SOST: variants seen among roughly 807,000 people sequenced by gnomAD.
SOST encodes sclerosteosis.
A neutral mutation model predicts 16.7 loss-of-function variants in SOST; 14 were observed. That is an observed-to-expected ratio of 0.84 (90% confidence interval 0.55 to 1.31). SOST has a LOEUF of 1.31. Among genes scored for constraint, SOST ranks in the 50% most tolerant of loss-of-function variants. SOST has a pLI of 0.00. For synonymous variants in SOST, 150 were observed against 140.9 expected (o/e 1.06, Z -0.46); for missense variants, 291 against 310.7 (o/e 0.94, Z 0.48).
Position 43,758,614 on chromosome 17 carries a change from T to TACTCTCCGAGCTCGGGGA in SOST, c.110_127dup (p.Glu42_Tyr43insPheProGluLeuGlyGlu), listed in dbSNP as rs779946635. 6.2e-7 allele frequency: 1 copy of TACTCTCCGAGCTCGGGGA among 1,613,908 alleles called. No homozygotes were observed. The highest frequency in any genetic ancestry group is 1.7e-5 in the Admixed American group (1 of 60,014). ...CTCCAGCTCCGGTGGAGGCTCGGGG[T>TACTCTCCGAGCTCGGGGA]ACTCTCCGAGCTCGGGGATGATTTC... On this transcript the variant is annotated inframe_insertion, in exon 1 of 2. Transcript: ENST00000301691.
rs753223257 is a variant in SOST, at chr17:43,754,032, G to C, written c.*1310C>G. ...CAATTAAAAACTACACAGAAAGTAA[G>C]AGGTTGTCTGGAAATGATTTTCAAA... On this transcript the variant is annotated 3_prime_UTR_variant, in exon 2 of 2. Coordinates refer to ENST00000301691, the MANE Select transcript of SOST (RefSeq NM_025237.3). The C allele has an allele frequency of 6.7e-6, 1 of 149,348 alleles. No individual in the cohort carries two copies. The highest frequency in any genetic ancestry group is 1.5e-5 in the Non-Finnish European group (1 of 67,632). The allele number at this position is 149,348 out of a possible 1,614,324, so 9.3% of individuals were successfully genotyped here.
rs201706408 is a variant in SOST, at chr17:43,758,565, C to T, written c.177G>A (p.Ala59=). The change falls in exon 1 of 2, where the codon GCG becomes GCA. Residue 59 remains alanine, a synonymous_variant. Coordinates refer to ENST00000301691, the MANE Select transcript of SOST (RefSeq NM_025237.3). ...GGTGGGGAGGCCGCCCTCCGTTCTCCGCCCGGTTCATGGTCTTGTTGTTCT... is the reference window on the plus strand; with the variant it reads ...GGTGGGGAGGCCGCCCTCCGTTCTCTGCCCGGTTCATGGTCTTGTTGTTCT... The part of the protein sequence containing the change: ...ELENNKTMNR[A]ENGGRPPHHP... 135 of 1,614,170 alleles carry T rather than the reference C, an allele frequency of 8.4e-5. No individual in the cohort carries two copies. The highest frequency in any genetic ancestry group is 8.2e-4 in the Middle Eastern group (5 of 6,062).
intron 1 of SOST, among the ~76,000 whole-genome samples, chr17:43,756,821 G>GGT: frequency 6.6e-6 from 1 of 152,170 alleles, no homozygotes. Context: ...CTGATCCCCT[G>GGT]CACACACCTT....
chr17:43,755,366 CT>C lies in SOST; in HGVS notation c.617del (p.Gln206ArgfsTer43). On this transcript the variant is annotated frameshift_variant, in exon 2 of 2. Coordinates refer to ENST00000301691, the MANE Select transcript of SOST (RefSeq NM_025237.3). LOFTEE classifies it high-confidence loss of function. This position sits in a 1 kb window ranked among gnomAD's most constrained non-coding sequence, Gnocchi z 4.3. Reference sequence around the variant, plus strand: ...TCTAGTAGGCGTTCTCCAGCTCGGCCTGGTTGGCTTTGGCGCTCCGGGCGCG... The same window carrying C: ...TCTAGTAGGCGTTCTCCAGCTCGGCCGGTTGGCTTTGGCGCTCCGGGCGCG... ...RPRARSAKAN[Q>X]AELENAY The C allele has an allele frequency of 6.3e-7, 1 of 1,587,646 alleles. No homozygotes were observed. Among genetic ancestry groups the C allele is most frequent in the Non-Finnish European group, 8.5e-7 (1 of 1,175,642 alleles).
Position 43,755,274 on chromosome 17 carries a change from A to T in SOST, c.*68T>A. On this transcript the variant is annotated 3_prime_UTR_variant, in exon 2 of 2. Coordinates refer to ENST00000301691, the MANE Select transcript of SOST (RefSeq NM_025237.3). This position sits in a 1 kb window ranked among gnomAD's most constrained non-coding sequence, Gnocchi z 4.3. ...ATATAAACAATCAAACCACGCGCAG[A>T]GGACAGAAATGTGGGGCGCGGGTTC... The T allele has an allele frequency of 7.3e-7, 1 of 1,370,770 alleles. No individual in the cohort carries two copies. The highest frequency in any genetic ancestry group is 9.6e-7 in the Non-Finnish European group (1 of 1,038,660). 84.9% of individuals were successfully genotyped at this position (1,370,770 alleles called of 1,614,324 possible).
At chr17:43,757,010 C>G (rs1974137562) in intron 1 of SOST, among the ~76,000 whole-genome samples, 1 of 152,334 alleles carries the variant, frequency 6.6e-6, no homozygotes, top group Middle Eastern at 3.4e-3. Flanking sequence ...CCCCCACCCC[C>G]ACTCTGAAGA....
Position 43,755,062 on chromosome 17 carries a change from G to A in SOST, c.*280C>T, listed in dbSNP as rs945143329. 2.3e-6 allele frequency: 1 copy of A among 442,708 alleles called. No individual in the cohort carries two copies. Among genetic ancestry groups the A allele is most frequent in the Admixed American group, 4.3e-5 (1 of 23,232 alleles). 27.4% of individuals were successfully genotyped at this position (442,708 alleles called of 1,614,324 possible). ...TCCATTTCTGCCTCCTCTGAAGTGG[G>A]ACCAGCAAAGGTAGGCGGCCCCAGA... On this transcript the variant is annotated 3_prime_UTR_variant, in exon 2 of 2. Transcript: ENST00000301691. This position sits in a 1 kb window ranked among gnomAD's most constrained non-coding sequence, Gnocchi z 4.3.
In SOST at chr17:43,755,257, A is replaced by C. The variant is rs1289724432; in HGVS notation, c.*85T>G. 4 of 1,291,590 alleles carry C rather than the reference A, an allele frequency of 3.1e-6. No individual in the cohort carries two copies. Among genetic ancestry groups the C allele is most frequent in the Non-Finnish European group, 4.1e-6 (4 of 973,784 alleles). 80.0% of individuals were successfully genotyped at this position (1,291,590 alleles called of 1,614,324 possible). On this transcript the variant is annotated 3_prime_UTR_variant, in exon 2 of 2. Transcript: ENST00000301691. The surrounding 1 kb of genome is among the most constrained non-coding windows in gnomAD (Gnocchi z 4.3). ...CAGGCATTTACAATGAAATATAAACAATCAAACCACGCGCAGAGGACAGAA... is the reference window on the plus strand; with the variant it reads ...CAGGCATTTACAATGAAATATAAACCATCAAACCACGCGCAGAGGACAGAA...
rs745984085 is a variant in SOST, at chr17:43,755,705, C to T, written c.279G>A (p.Pro93=). The change falls in exon 2 of 2, where the codon CCG becomes CCA. Residue 93 remains proline (P), a synonymous_variant. Coordinates refer to ENST00000301691, the MANE Select transcript of SOST (RefSeq NM_025237.3). The surrounding 1 kb of genome is among the most constrained non-coding windows in gnomAD (Gnocchi z 4.3). ...CGGTGACCGGCTTGGCGCTGCGGCA[C>T]GGCCCATCGGTCACGTAGCGGGTGA... The part of the protein sequence containing the change: ...LHFTRYVTDG[P]CRSAKPVTEL... 5.1e-6 allele frequency: 8 copies of T among 1,567,136 alleles called. No individual in the cohort carries two copies. The highest frequency in any genetic ancestry group is 4.7e-5 in the East Asian group (2 of 42,654).
rs1974125634 is a variant in SOST, at chr17:43,755,867, C to G, written c.221-104G>C. 2 of 1,346,040 alleles carry G rather than the reference C, an allele frequency of 1.5e-6. No individual in the cohort carries two copies. The highest frequency in any genetic ancestry group is 2.0e-6 in the Non-Finnish European group (2 of 994,036). The allele number at this position is 1,346,040 out of a possible 1,614,324, so 83.4% of individuals were successfully genotyped here. On this transcript the variant is annotated intron_variant, in intron 1 of 1. Transcript: ENST00000301691. This position sits in a 1 kb window ranked among gnomAD's most constrained non-coding sequence, Gnocchi z 4.3. The stretch of plus-strand genomic sequence containing the variant: ...AGCCCTGCTTTTGCCAAGCCTGTCT[C>G]CAGAGGCTTTTGCCCCTGAACATCT...
Position 43,755,755 on chromosome 17 carries a change from C to A in SOST, c.229G>T (p.Glu77Ter). The A allele has an allele frequency of 5.1e-6, 8 of 1,580,332 alleles. No individual in the cohort carries two copies. Among genetic ancestry groups the A allele is most frequent in the Non-Finnish European group, 6.8e-6 (8 of 1,172,088 alleles). Residue 77 changes from glutamate to a stop codon, truncating the protein, a stop_gained, in exon 2 of 2, where the codon GAG becomes TAG. Coordinates refer to ENST00000301691, the MANE Select transcript of SOST (RefSeq NM_025237.3). LOFTEE classifies it high-confidence loss of function. The surrounding 1 kb of genome is among the most constrained non-coding windows in gnomAD (Gnocchi z 4.3). ...HHPFETKDVS[E>*]YSCRELHFTR... The stretch of plus-strand genomic sequence containing the variant: ...AAGTGCAGCTCGCGGCAGCTGTACT[C>A]GGACACGTCTGTGGAGAGAGGCGCG...
chr17:43,755,327 G>A lies in SOST; in HGVS notation c.*15C>T. On this transcript the variant is annotated 3_prime_UTR_variant, in exon 2 of 2. Transcript: ENST00000301691. The surrounding 1 kb of genome is among the most constrained non-coding windows in gnomAD (Gnocchi z 4.3). ...GGCCGGGGCGCCCGCCGGTGGGGAG[G>A]GGCGCGGGCGGGCTCTAGTAGGCGT... 6.5e-7 allele frequency: 1 copy of A among 1,542,874 alleles called. No individual in the cohort carries two copies. Among genetic ancestry groups the A allele is most frequent in the Non-Finnish European group, 8.6e-7 (1 of 1,157,948 alleles).
In SOST at chr17:43,758,622, G is replaced by A. The variant is rs149814744; in HGVS notation, c.120C>T (p.Leu40=). 30 of 1,614,086 alleles carry A rather than the reference G, an allele frequency of 1.9e-5. No individual in the cohort carries two copies. The highest frequency in any genetic ancestry group is 9.9e-5 in the South Asian group (9 of 91,082). Residue 40 remains leucine, a synonymous_variant, in exon 1 of 2, where the codon CTC becomes CTT. Coordinates refer to ENST00000301691, the MANE Select transcript of SOST (RefSeq NM_025237.3). ...CCGGTGGAGGCTCGGGGTACTCTCCGAGCTCGGGGATGATTTCCGTGGCAT... is the reference window on the plus strand; with the variant it reads ...CCGGTGGAGGCTCGGGGTACTCTCCAAGCTCGGGGATGATTTCCGTGGCAT... The part of the protein sequence containing the change: ...KNDATEIIPE[L]GEYPEPPPEL...
intron 1 of SOST, among the ~76,000 whole-genome samples, chr17:43,756,184 T>C (rs1239993923): frequency 6.6e-6 from 1 of 152,224 alleles, no homozygotes; most frequent in Admixed American, 6.5e-5. Flanking sequence ...TCTGGGGTCT[T>C]CTTATGATTT....
At position 43,758,701 on chromosome 17, in the gene SOST, A is replaced by G. The variant is rs1380461935; in HGVS notation, c.41T>C (p.Val14Ala). ...CTCCACTACACGGAAGGCTGTGTGT[A>G]CCAGCAGGCAGACGAGACACAGGGC... ...PLALCLVCLL[V>A]HTAFRVVEGQ... Residue 14 changes from valine (V) to alanine (A), a missense_variant, in exon 1 of 2, where the codon GTA becomes GCA. By Grantham distance (64) the Val-to-Ala change is moderately conservative (BLOSUM62 0). Transcript: ENST00000301691. 1.9e-6 allele frequency: 3 copies of G among 1,613,894 alleles called. No homozygotes were observed. In the African/African-American group the frequency reaches 4.0e-5, roughly 22 times the overall value.
Position 43,758,637 on chromosome 17 carries a change from T to G in SOST, c.105A>C (p.Glu35Asp). 6.2e-7 allele frequency: 1 copy of G among 1,614,126 alleles called. No individual in the cohort carries two copies. The highest frequency in any genetic ancestry group is 1.7e-5 in the Admixed American group (1 of 60,024). ...GGTACTCTCCGAGCTCGGGGATGAT[T>G]TCCGTGGCATCATTCTTGAACGCCT... Reference protein sequence around the residue: ...GWQAFKNDATEIIPELGEYPE... With the variant: ...GWQAFKNDATDIIPELGEYPE... The change falls in exon 1 of 2, where the codon GAA (glutamate) becomes GAC (aspartate). Residue 35 changes from glutamate (E) to aspartate (D), a missense_variant. By Grantham distance (45) the Glu-to-Asp change is conservative. Coordinates refer to ENST00000301691, the MANE Select transcript of SOST (RefSeq NM_025237.3).
chr17:43,758,757 A>G lies in SOST; in HGVS notation c.-16T>C, dbSNP rs1350667517. On this transcript the variant is annotated 5_prime_UTR_variant, in exon 1 of 2. Transcript: ENST00000301691. ...GGAGCTGCATGGTACCAGCCAGAGG[A>G]GGGCACGCCACCTTCCAGTAGCACA... 2 of 1,604,754 alleles carry G rather than the reference A, an allele frequency of 1.2e-6. No individual in the cohort carries two copies. Among genetic ancestry groups the G allele is most frequent in the Admixed American group, 1.7e-5 (1 of 60,008 alleles).
chr17:43,755,506 G>T lies in SOST; in HGVS notation c.478C>A (p.Arg160Ser). The T allele has an allele frequency of 6.3e-7, 1 of 1,596,444 alleles. No individual in the cohort carries two copies. ...GGEAPRARKV[R>S]LVASCKCKRL... ...TTGCACTTGCACGAGGCCACCAGGC[G>T]CACCTTGCGCGCGCGCGGCGCCTCA... The change falls in exon 2 of 2, where the codon CGC becomes AGC. Residue 160 changes from arginine to serine, a missense_variant. Physicochemically the swap from Arg to Ser is moderately radical, Grantham distance 110. Coordinates refer to ENST00000301691, the MANE Select transcript of SOST (RefSeq NM_025237.3). The surrounding 1 kb of genome is among the most constrained non-coding windows in gnomAD (Gnocchi z 4.3).
At position 43,755,279 on chromosome 17, in the gene SOST, A is replaced by G. The variant is rs926750525; in HGVS notation, c.*63T>C. 28 of 1,406,592 alleles carry G rather than the reference A, an allele frequency of 2.0e-5. No homozygotes were observed. The highest frequency in any genetic ancestry group is 2.4e-5 in the Non-Finnish European group (26 of 1,066,398). The allele number at this position is 1,406,592 out of a possible 1,614,324, so 87.1% of individuals were successfully genotyped here. The stretch of plus-strand genomic sequence containing the variant: ...AACAATCAAACCACGCGCAGAGGAC[A>G]GAAATGTGGGGCGCGGGTTCAGGGC... On this transcript the variant is annotated 3_prime_UTR_variant, in exon 2 of 2. Transcript: ENST00000301691. The surrounding 1 kb of genome is among the most constrained non-coding windows in gnomAD (Gnocchi z 4.3).
Sources: gnomAD v4.1 joint callset for allele counts (sites outside exome capture counted in the v4.1 genomes callset) on GRCh38, gnomAD v4.1.1 for gene constraint, Gnocchi (gnomAD v3.1) non-coding constraint, MANE v1.5 for transcripts, NCBI Gene and HGNC (gene_info 2026-07-23, HGNC 2026-07-21) for gene names.